Variants in PCDH7 observed in about 807,000 individuals in gnomAD.
PCDH7 encodes the protein protocadherin-7.
In PCDH7, 17 loss-of-function variants were observed where a neutral mutation model predicts 58.9. The ratio of observed to expected loss-of-function variants is 0.29; its 90% confidence interval spans 0.20 to 0.43. The LOEUF (loss-of-function observed/expected upper bound fraction) is 0.43. PCDH7 is among the 20% of genes least tolerant of loss of function. The pLI, the probability that PCDH7 is intolerant of heterozygous loss-of-function variation, is 1.00. For synonymous variants in PCDH7, 664 were observed against 616.4 expected, an observed-to-expected ratio of 1.08 and a Z score of -1.14; for missense variants, 1,274 against 1,441.0, an observed-to-expected ratio of 0.88 and a Z score of 1.88.
At chr4:30,924,005 C>G (rs1002472239) in intron 2 of PCDH7, among the ~76,000 whole-genome samples, 5 of 152,084 alleles carry the variant, frequency 3.3e-5, no homozygotes, top group Non-Finnish European at 7.4e-5. Flanking sequence ...TTAAAAGCAC[C>G]ATCTCATTCA....
intron 1 of PCDH7, among the ~76,000 whole-genome samples, chr4:30,838,205 C>T (rs1313147998): frequency 1.3e-5 from 2 of 151,876 alleles, no homozygotes; most frequent in African/African-American, 4.8e-5. Context: ...TGCTTTGAGG[C>T]CCTTGCTGAA....
At chr4:31,135,631 T>C (rs545888841) in intron 3 of PCDH7, among the ~76,000 whole-genome samples, 1 of 152,180 alleles carries the variant, frequency 6.6e-6, no homozygotes, top group Non-Finnish European at 1.5e-5. Flanking sequence ...ATTTCAAAAT[T>C]TGGAATCCTT....
At chr4:31,056,433 AGAAAGAAGGAAAGAAAGAAAGAAAG>A (rs1327295640) in intron 3 of PCDH7, among the ~76,000 whole-genome samples, 6 of 99,936 alleles carry the variant, frequency 6.0e-5, no homozygotes, top group African/African-American at 3.3e-4. Context: ...GGAAAGAAAA[AGAAAGAAGGAAAGAAAGAAAGAAAG>A]AAGAAAGAAA....
intron 1 of PCDH7, among the ~76,000 whole-genome samples, chr4:30,777,260 C>T (rs1577754597): frequency 1.3e-5 from 2 of 152,284 alleles, no homozygotes; most frequent in East Asian, 3.9e-4. Context: ...TGAAACCTTA[C>T]AAACTTTCAG....
chr4:30,737,067 C>G (rs1427196171), downstream of PCDH7, among the ~76,000 whole-genome samples: 1 of 152,080 alleles, frequency 6.6e-6, no homozygotes, highest in African/African-American at 2.4e-5. Flanking sequence ...AAAACTAAAG[C>G]TGGATGAGGG....
chr4:31,092,439 T>C (rs1713377555), intron 3 of PCDH7, among the ~76,000 whole-genome samples: 1 of 152,006 alleles, frequency 6.6e-6, no homozygotes, highest in African/African-American at 2.4e-5. Context: ...TCTGAAACTA[T>C]TTGTTGTATT....
At chr4:30,837,901 A>T (rs201571700) in intron 1 of PCDH7, among the ~76,000 whole-genome samples, 3 of 27,412 alleles carry the variant, frequency 1.1e-4, no homozygotes, top group Admixed American at 3.1e-4. Flanking sequence ...TGTATATTTT[A>T]TATATATATA....
chr4:31,039,064 C>T (rs1302960725), intron 3 of PCDH7, among the ~76,000 whole-genome samples: 2 of 152,044 alleles, frequency 1.3e-5, no homozygotes, highest in Admixed American at 6.6e-5. Flanking sequence ...AATAGTATTA[C>T]TCAAAAGCAA....
intron 3 of PCDH7, among the ~76,000 whole-genome samples, chr4:31,092,468 C>T (rs1713380723): frequency 6.6e-6 from 1 of 151,888 alleles, no homozygotes; most frequent in South Asian, 2.1e-4. Context: ...AGAATATTAC[C>T]ATTGAAAGGG....
intron 3 of PCDH7, among the ~76,000 whole-genome samples, chr4:30,999,615 G>A (rs1250779559): frequency 1.3e-5 from 2 of 151,846 alleles, no homozygotes; most frequent in East Asian, 1.9e-4. Flanking sequence ...AATGAGCAAG[G>A]GCCTTTTGTA....
At chr4:30,926,547 C>T (rs965833388) in intron 2 of PCDH7, among the ~76,000 whole-genome samples, 1 of 152,194 alleles carries the variant, frequency 6.6e-6, no homozygotes, top group Non-Finnish European at 1.5e-5. Flanking sequence ...AATGCTCAGC[C>T]TCACAAATTT....
intron 1 of PCDH7, among the ~76,000 whole-genome samples, chr4:30,855,818 A>G (rs1238561804): frequency 6.6e-6 from 1 of 152,154 alleles, no homozygotes; most frequent in Non-Finnish European, 1.5e-5. Context: ...GAACCATGAA[A>G]TTTAAGAATC....
At position 31,121,864 on chromosome 4, in the gene PCDH7, C is replaced by T. The variant is rs533869692; in HGVS notation, c.*8-20609C>T. 3.9e-5 allele frequency among the ~76,000 whole-genome samples: 6 copies of T among 152,188 alleles called. No homozygotes were observed. The South Asian group carries it at 1.2e-3, about 32-fold the overall frequency. ...ATATGTGGGTCTCTTTAGTTATCTA[C>T]AAGGTAGCAGATTTTATTATATCTT... On this transcript the variant is annotated intron_variant, in intron 3 of 3. Coordinates refer to the PCDH7 transcript ENST00000509759.
At chr4:31,020,010 A>G (rs190628736) in intron 3 of PCDH7, among the ~76,000 whole-genome samples, 6 of 152,298 alleles carry the variant, frequency 3.9e-5, no homozygotes, top group African/African-American at 1.4e-4. Context: ...TGTTATTGAA[A>G]CAGAAATAAC....
At chr4:30,830,306 A>G (rs1203524290) in intron 1 of PCDH7, among the ~76,000 whole-genome samples, 1 of 152,118 alleles carries the variant, frequency 6.6e-6, no homozygotes, top group Non-Finnish European at 1.5e-5. Flanking sequence ...AAAATAAATT[A>G]TTCACATCAC....
At chr4:30,903,207 A>G (rs532277828) in intron 1 of PCDH7, among the ~76,000 whole-genome samples, 6 of 152,212 alleles carry the variant, frequency 3.9e-5, no homozygotes, top group African/African-American at 1.4e-4. Flanking sequence ...GAAAAGCTTA[A>G]GTTTTTATAT....
chr4:30,932,486 T>C (rs1560512560), intron 2 of PCDH7, among the ~76,000 whole-genome samples: 1 of 152,224 alleles, frequency 6.6e-6, no homozygotes, highest in South Asian at 2.1e-4. Context: ...AAGCACTATA[T>C]CGATAAAAAG....
At chr4:30,888,656 C>T (rs1738178313) in intron 1 of PCDH7, among the ~76,000 whole-genome samples, 1 of 151,936 alleles carries the variant, frequency 6.6e-6, no homozygotes, top group South Asian at 2.1e-4. Flanking sequence ...TAATATAGTT[C>T]ATTTTTTATA....
chr4:30,908,396 G>A (rs181420843), intron 1 of PCDH7, among the ~76,000 whole-genome samples: 1 of 152,266 alleles, frequency 6.6e-6, no homozygotes, highest in African/African-American at 2.4e-5. Context: ...ATTAGAGAAT[G>A]TACAGAGATA....
Sources: allele counts gnomAD v4.1 joint callset (sites outside exome capture counted in the v4.1 genomes callset), GRCh38; gene constraint gnomAD v4.1.1; transcripts MANE v1.5; gene names NCBI Gene and HGNC (gene_info 2026-07-23, HGNC 2026-07-21).